Variants in MLLT3 observed in about 807,000 individuals in gnomAD.
MLLT3 encodes protein AF-9.
In MLLT3, 4 loss-of-function variants were observed where a neutral mutation model predicts 53.2. That is an observed-to-expected ratio of 0.08 (90% CI 0.04 to 0.17). The LOEUF (loss-of-function observed/expected upper bound fraction) is 0.17, where lower values mean the gene tolerates loss of function less well. Ranked by LOEUF, MLLT3 falls within the 10% of genes least tolerant of loss-of-function variation. The pLI is 1.00. For missense variants in MLLT3, 569 were observed against 684.0 expected (o/e 0.83, Z 1.87); for synonymous variants, 283 against 230.6 (o/e 1.23, Z -2.06).
At chr9:20,602,680 A>G (rs1267768921) in intron 2 of MLLT3, among the ~76,000 whole-genome samples, 1 of 151,938 alleles carries the variant, frequency 6.6e-6, no homozygotes, top group Non-Finnish European at 1.5e-5. Flanking sequence ...AGAATTTGGC[A>G]TCTTGGAGGA....
intron 2 of MLLT3, among the ~76,000 whole-genome samples, chr9:20,586,261 A>T (rs1819957789): frequency 6.6e-6 from 1 of 152,094 alleles, no homozygotes; most frequent in Admixed American, 6.6e-5. Flanking sequence ...TCAAGGCTGC[A>T]GTGAACCATG....
Position 20,569,372 on chromosome 9 carries a change from G to T in MLLT3, c.193+51282C>A, listed in dbSNP as rs1819467812. The stretch of plus-strand genomic sequence containing the variant: ...ACCCAGAAAGCCTCCATGGGTTACT[G>T]CACACACCATTACCCAATGTTGTAC... On this transcript the variant is annotated intron_variant, in intron 2 of 10. Coordinates refer to ENST00000380338, the MANE Select transcript of MLLT3 (RefSeq NM_004529.4). 2.6e-5 allele frequency among the ~76,000 whole-genome samples: 4 copies of T among 152,066 alleles called. No individual in the cohort carries two copies. In the South Asian group the frequency reaches 8.3e-4, roughly 32 times the overall value.
rs146474944 is a variant in MLLT3 at position 20,521,154 on chromosome 9, T to G, written c.194-64368A>C. 1.3e-3 allele frequency among the ~76,000 whole-genome samples: 197 copies of G among 151,938 alleles called. 1 individual carries two copies. Among genetic ancestry groups the G allele is most frequent in the African/African-American group, 4.7e-3 (193 of 41,460 alleles). On this transcript the variant is annotated intron_variant, in intron 2 of 10. Transcript: ENST00000380338. The stretch of plus-strand genomic sequence containing the variant: ...TGGGCGATCTCGGCTCACTGCAACC[T>G]CCACCTCCTGAGTTCAAGCGATTCT...
intron 4 of MLLT3, among the ~76,000 whole-genome samples, chr9:20,446,557 C>T (rs1342421312): frequency 3.9e-5 from 6 of 152,160 alleles, no homozygotes; most frequent in South Asian, 2.1e-4. Flanking sequence ...AGAAGCATGA[C>T]GTACTAAAGT....
chr9:20,346,670 T>G (rs2118581723), intron 10 of MLLT3, 96 bp from the exon 11 acceptor site: 2 of 1,196,022 alleles, frequency 1.7e-6, no homozygotes, highest in Non-Finnish European at 1.2e-6. Flanking sequence ...TGGAATCAAG[T>G]GATAAATATT....
intron 5 of MLLT3, among the ~76,000 whole-genome samples, chr9:20,370,208 C>G (rs1821562575): frequency 2.0e-5 from 3 of 152,196 alleles, no homozygotes; most frequent in Admixed American, 6.5e-5. Flanking sequence ...CTCTGCATCA[C>G]ATATTGGAAA....
At chr9:20,449,233 A>G (rs1213209513) in intron 3 of MLLT3, among the ~76,000 whole-genome samples, 1 of 152,194 alleles carries the variant, frequency 6.6e-6, no homozygotes, top group Non-Finnish European at 1.5e-5. Flanking sequence ...AGTAGGATCA[A>G]TGTTTGAATC....
chr9:20,598,958 G>T (rs1820344239), intron 2 of MLLT3, among the ~76,000 whole-genome samples: 1 of 152,208 alleles, frequency 6.6e-6, no homozygotes, highest in Non-Finnish European at 1.5e-5. Context: ...AATATTCAAT[G>T]ATTAAGAGAT....
chr9:20,378,060 G>A (rs1461405841), intron 5 of MLLT3, among the ~76,000 whole-genome samples: 2 of 152,030 alleles, frequency 1.3e-5, no homozygotes, highest in African/African-American at 4.8e-5. Context: ...ATAGATGTGT[G>A]TAAGATAATA....
intron 2 of MLLT3, among the ~76,000 whole-genome samples, chr9:20,593,245 C>T (rs1316480415): frequency 6.6e-6 from 1 of 152,204 alleles, no homozygotes; most frequent in Non-Finnish European, 1.5e-5. Flanking sequence ...CCTCCTCTCT[C>T]CTCAGATCTC....
At chr9:20,363,376 C>T (rs1821372088) in intron 7 of MLLT3, 100 bp downstream of exon 7, 7 of 1,413,828 alleles carry the variant, frequency 5.0e-6, no homozygotes, top group South Asian at 2.7e-5. Context: ...CATCTACTGC[C>T]GTTTTTGGTG....
intron 2 of MLLT3, among the ~76,000 whole-genome samples, chr9:20,611,231 T>C (rs1820694903): frequency 6.6e-6 from 1 of 152,022 alleles, no homozygotes; most frequent in Admixed American, 6.6e-5. Context: ...CCCAGTACCA[T>C]CCTTGGAGGG....
At chr9:20,398,803 C>T (rs1183770621) in intron 5 of MLLT3, among the ~76,000 whole-genome samples, 3 of 152,104 alleles carry the variant, frequency 2.0e-5, no homozygotes, top group Non-Finnish European at 4.4e-5. Flanking sequence ...TAGACTCTGA[C>T]ATCCCTCTGC....
At chr9:20,505,658 C>T (rs1587004254) in intron 2 of MLLT3, among the ~76,000 whole-genome samples, 1 of 152,168 alleles carries the variant, frequency 6.6e-6, no homozygotes, top group East Asian at 1.9e-4. Flanking sequence ...TCCTATGCCT[C>T]ACTTGAAGAT....
intron 2 of MLLT3, among the ~76,000 whole-genome samples, chr9:20,541,058 CA>C (rs1818616914): frequency 6.6e-6 from 1 of 152,184 alleles, no homozygotes; most frequent in Admixed American, 6.5e-5. Context: ...ATCTCTAGGG[CA>C]GGGGTAAAAT....
intron 2 of MLLT3, among the ~76,000 whole-genome samples, chr9:20,574,609 A>G (rs965997643): frequency 9.2e-5 from 14 of 152,214 alleles, no homozygotes; most frequent in African/African-American, 3.1e-4. Context: ...AATGCTAATG[A>G]TCATCTGGGT....
chr9:20,522,610 A>T (rs776314952), intron 2 of MLLT3, among the ~76,000 whole-genome samples: 2 of 152,192 alleles, frequency 1.3e-5, no homozygotes, highest in Non-Finnish European at 2.9e-5. Context: ...GGGAGGGTGG[A>T]TACAGAAATC....
intron 2 of MLLT3, among the ~76,000 whole-genome samples, chr9:20,457,883 T>A (rs913509657): frequency 1.3e-5 from 2 of 152,186 alleles, no homozygotes; most frequent in East Asian, 3.9e-4. Context: ...TAGTTAAGAC[T>A]GCATTTTGGT....
intron 3 of MLLT3, among the ~76,000 whole-genome samples, chr9:20,452,039 A>G (rs572172971): frequency 1.4e-4 from 21 of 152,246 alleles, no homozygotes; most frequent in Admixed American, 2.6e-4. Context: ...CGAGCTCATT[A>G]GAGAAGCAGG....
Sources: gnomAD v4.1 joint callset for allele counts (sites outside exome capture counted in the v4.1 genomes callset) on GRCh38, gnomAD v4.1.1 for gene constraint, MANE v1.5 for transcripts, NCBI Gene and HGNC (gene_info 2026-07-23, HGNC 2026-07-21) for gene names.